Variants in FBXL17 observed in about 807,000 individuals in gnomAD.
FBXL17 encodes F-box and leucine rich repeat protein 17.
FBXL17 carries 22 observed loss-of-function variants against 66.2 expected under a neutral mutation model. That is an observed-to-expected ratio of 0.33 (90% CI 0.24 to 0.47). FBXL17 has a LOEUF of 0.47. Among genes scored for constraint, FBXL17 ranks in the 20% least tolerant of loss-of-function variants. The pLI is 1.00. For missense variants in FBXL17, 878 were observed against 948.2 expected (o/e 0.93, Z 0.97); for synonymous variants, 474 against 400.5 (o/e 1.18, Z -2.19).
chr5:108,042,086 G>A (rs1176105807), intron 6 of FBXL17, among the ~76,000 whole-genome samples: 1 of 151,972 alleles, frequency 6.6e-6, no homozygotes, highest in Admixed American at 6.6e-5. Context: ...GTAGAGAGGG[G>A]GTTTCTCCAT....
rs1554080848 is a variant in FBXL17, at chr5:107,871,069, A to AAAAAAAAACAAAAAC, written c.1966-9210_1966-9209insGTTTTTGTTTTTTTT. Among the ~76,000 whole-genome samples the AAAAAAAAACAAAAAC allele has an allele frequency of 3.7e-4, 48 of 130,222 alleles. 1 individual carries two copies. The South Asian group carries it at 0.011, about 30-fold the overall frequency. 85.4% of individuals were successfully genotyped at this position (130,222 alleles called of 152,430 possible). ...TACTCTTGGGCGGCAAAAAAAAAAA[A>AAAAAAAAACAAAAAC]AAAAAAAAAACCTCATCTAAAAATC... On this transcript the variant is annotated intron_variant, in intron 8 of 8. Transcript: ENST00000542267.
chr5:107,889,091 T>C (rs139011822), intron 7 of FBXL17, among the ~76,000 whole-genome samples: 1 of 152,290 alleles, frequency 6.6e-6, no homozygotes, highest in African/African-American at 2.4e-5. Flanking sequence ...TAAGGATTAA[T>C]GGTATTGTGT....
At chr5:108,241,786 T>C (rs1755865081) in intron 4 of FBXL17, among the ~76,000 whole-genome samples, 1 of 151,912 alleles carries the variant, frequency 6.6e-6, no homozygotes, top group East Asian at 1.9e-4. Context: ...AAAAAACAAA[T>C]AACACACAAT....
chr5:108,006,147 CTTTTGG>C (rs1433201986), intron 7 of FBXL17, among the ~76,000 whole-genome samples: 1 of 152,154 alleles, frequency 6.6e-6, no homozygotes, highest in East Asian at 1.9e-4. Context: ...TTTAATGTTT[CTTTTGG>C]TTTTAGGTCT....
At chr5:108,293,022 A>G (rs1391890763) in intron 4 of FBXL17, among the ~76,000 whole-genome samples, 1 of 149,926 alleles carries the variant, frequency 6.7e-6, no homozygotes, top group African/African-American at 2.5e-5. Context: ...CGGGAGGCGG[A>G]GCTTATAGTG....
At chr5:108,266,520 A>C (rs1204047379) in intron 4 of FBXL17, among the ~76,000 whole-genome samples, 4 of 152,094 alleles carry the variant, frequency 2.6e-5, no homozygotes, top group Non-Finnish European at 4.4e-5. Flanking sequence ...GCTTATGTTG[A>C]AGTAACTCTT....
chr5:108,179,840 G>C (rs539992684), intron 6 of FBXL17, among the ~76,000 whole-genome samples: 1 of 152,106 alleles, frequency 6.6e-6, no homozygotes, highest in Non-Finnish European at 1.5e-5. Flanking sequence ...TATTTTACCA[G>C]ACTCAATTTA....
At position 108,154,610 on chromosome 5, in the gene FBXL17, T is replaced by A. The variant is rs1217137276; in HGVS notation, c.1745+31507A>T. On this transcript the variant is annotated intron_variant, in intron 6 of 8. Coordinates refer to ENST00000542267, the MANE Select transcript of FBXL17 (RefSeq NM_001163315.3). ...AGTTTCAAAAAAAAAAAAAAAAATA[T>A]ATATATACACACACACACACACACA... Among the ~76,000 whole-genome samples, 314 of 71,254 alleles carry A rather than the reference T, an allele frequency of 4.4e-3. 3 individuals carry two copies. Among genetic ancestry groups the A allele is most frequent in the African/African-American group, 0.019 (289 of 15,514 alleles). The allele number at this position is 71,254 out of a possible 152,430, so 46.7% of individuals were successfully genotyped here.
chr5:108,087,804 C>T (rs1479094178), intron 6 of FBXL17, among the ~76,000 whole-genome samples: 1 of 152,096 alleles, frequency 6.6e-6, no homozygotes, highest in African/African-American at 2.4e-5. Context: ...ACTCTAGCCA[C>T]ATATAGAACA....
intron 8 of FBXL17, chr5:107,879,516 T>C (rs944092086): frequency 1.0e-6 from 1 of 985,414 alleles, no homozygotes; most frequent in African/African-American, 1.7e-5. Context: ...GCTGAGAATA[T>C]ATAATAACAT....
intron 4 of FBXL17, among the ~76,000 whole-genome samples, chr5:108,312,540 A>C (rs1759174051): frequency 6.6e-6 from 1 of 152,090 alleles, no homozygotes; most frequent in Non-Finnish European, 1.5e-5. Flanking sequence ...GAGTAAAAAA[A>C]CTTTTATAAA....
intron 6 of FBXL17, among the ~76,000 whole-genome samples, chr5:108,024,145 T>C (rs1580342264): frequency 1.3e-5 from 2 of 152,228 alleles, no homozygotes; most frequent in East Asian, 3.9e-4. Context: ...TTCAAAGATT[T>C]CCCACTTCAT....
At chr5:108,355,359 G>GCTCA (rs1343631512) in intron 3 of FBXL17, among the ~76,000 whole-genome samples, 8 of 151,504 alleles carry the variant, frequency 5.3e-5, no homozygotes, top group African/African-American at 1.9e-4. Flanking sequence ...CATGATCTTG[G>GCTCA]CTCACTGCAA....
At chr5:107,918,484 A>G (rs1417238319) in intron 7 of FBXL17, among the ~76,000 whole-genome samples, 1 of 152,206 alleles carries the variant, frequency 6.6e-6, no homozygotes, top group East Asian at 1.9e-4. Context: ...AAACTTGAGT[A>G]GCTTGTATAA....
intron 6 of FBXL17, among the ~76,000 whole-genome samples, chr5:108,143,236 G>A (rs1751425521): frequency 2.0e-5 from 3 of 151,710 alleles, no homozygotes; most frequent in Admixed American, 6.6e-5. Context: ...ATGCTTAAAG[G>A]AGAAAATATA....
chr5:108,326,600 G>C (rs1299305747), intron 4 of FBXL17, among the ~76,000 whole-genome samples: 1 of 151,844 alleles, frequency 6.6e-6, no homozygotes, highest in African/African-American at 2.4e-5. Flanking sequence ...GACAGAGCAA[G>C]ACTCTGTCTC....
chr5:108,165,348 G>A (rs931265999), intron 6 of FBXL17, among the ~76,000 whole-genome samples: 8 of 147,072 alleles, frequency 5.4e-5, no homozygotes, highest in Non-Finnish European at 9.1e-5. Context: ...TGTAAACAGT[G>A]GAAATCTCTG....
intron 7 of FBXL17, among the ~76,000 whole-genome samples, chr5:107,901,191 GA>G (rs1409543649): frequency 6.6e-6 from 1 of 152,090 alleles, no homozygotes; most frequent in Non-Finnish European, 1.5e-5. Context: ...TTGTGGAAAA[GA>G]AAGAGTTCCA....
intron 7 of FBXL17, among the ~76,000 whole-genome samples, chr5:107,945,191 T>G (rs1344983506): frequency 1.3e-5 from 2 of 152,068 alleles, no homozygotes; most frequent in Non-Finnish European, 2.9e-5. Context: ...CAAGTAAATA[T>G]AAATTTAAAC....
Sources: allele counts gnomAD v4.1 joint callset (sites outside exome capture counted in the v4.1 genomes callset), GRCh38; gene constraint gnomAD v4.1.1; transcripts MANE v1.5; gene names NCBI Gene and HGNC (gene_info 2026-07-23, HGNC 2026-07-21).